The following WFDC9 variants were observed in gnomAD, a reference collection of about 807,000 sequenced individuals.
WFDC9 encodes protein WFDC9.
A neutral mutation model predicts 9.5 loss-of-function variants in WFDC9; 9 were observed. The ratio of observed to expected loss-of-function variants is 0.95; its 90% CI spans 0.57 to 1.65. WFDC9 has a LOEUF of 1.65. Ranked by LOEUF, WFDC9 falls within the 40% of genes most tolerant of loss-of-function variation. The pLI is 0.00. For missense variants in WFDC9, 87 were observed against 106.7 expected, an observed-to-expected ratio of 0.82 and a Z score of 0.81; for synonymous variants, 33 against 32.3, an observed-to-expected ratio of 1.02 and a Z score of -0.07.
intron 1 of WFDC9, among the ~76,000 whole-genome samples, chr20:45,620,158 G>A (rs971902382): frequency 1.3e-5 from 2 of 152,088 alleles, no homozygotes; most frequent in African/African-American, 2.4e-5. Flanking sequence ...ATTAAGTAGC[G>A]TTATTTGTTT....
chr20:45,625,221 A>G (rs1052376000), intron 1 of WFDC9, among the ~76,000 whole-genome samples: 2 of 152,118 alleles, frequency 1.3e-5, no homozygotes, highest in Non-Finnish European at 2.9e-5. Flanking sequence ...TTAAACAATC[A>G]TATCTCATGA....
At chr20:45,614,526 T>C (rs1238241420) in intron 2 of WFDC9, 102 bp downstream of exon 2, 1 of 152,116 alleles carries the variant, frequency 6.6e-6, no homozygotes, top group Non-Finnish European at 1.5e-5. Flanking sequence ...AAAGAAACAA[T>C]AATCCCTACC....
At chr20:45,625,538 T>C (rs559607351) in intron 1 of WFDC9, among the ~76,000 whole-genome samples, 79 of 152,308 alleles carry the variant, frequency 5.2e-4, no homozygotes, top group Non-Finnish European at 9.1e-4. Context: ...TTTTGTAAGA[T>C]CATGAAAATG....
intron 1 of WFDC9, among the ~76,000 whole-genome samples, chr20:45,615,647 A>G (rs1981956580): frequency 6.6e-6 from 1 of 152,182 alleles, no homozygotes; most frequent in African/African-American, 2.4e-5. Flanking sequence ...AAAATGAAAT[A>G]TTTAATAGTT....
chr20:45,609,358 C>G (rs1307426247), intron 3 of WFDC9, among the ~76,000 whole-genome samples: 4 of 152,090 alleles, frequency 2.6e-5, no homozygotes, highest in Admixed American at 6.5e-5. Context: ...AGCACACCAC[C>G]ATGCCTGGCT....
chr20:45,622,125 C>A (rs554722822), intron 1 of WFDC9, among the ~76,000 whole-genome samples: 2,085 of 152,166 alleles, frequency 0.014, 87 homozygotes, highest in Admixed American at 0.096. Flanking sequence ...TTATTGTGCC[C>A]TCATAGTTCA....
In WFDC9 at chr20:45,608,783, T is replaced by C; in HGVS notation, c.119A>G (p.Gln40Arg). 1.9e-6 allele frequency: 3 copies of C among 1,613,118 alleles called. No homozygotes were observed. Among genetic ancestry groups the C allele is most frequent in the Non-Finnish European group, 2.5e-6 (3 of 1,179,516 alleles). Reference protein sequence around the residue: ...PFLDMIRETEQCWVQPPYKYC... With the variant: ...PFLDMIRETERCWVQPPYKYC... ...CTTATATGGAGGCTGTACCCAGCAC[T>C]GCTCAGTTTCTCTTATCATATCTAG... The change falls in exon 4 of 5, where the codon CAG becomes CGG. Residue 40 changes from glutamine (Q) to arginine (R), a missense_variant. Transcript: ENST00000326000.
Position 45,631,004 on chromosome 20 carries a change from A to G in WFDC9, c.-153+199T>C, listed in dbSNP as rs765516070. ...TTCTACCTACTGTGGGAATGTTTGC[A>G]TGAGCATCCTGTGAGTGGGAGAGTG... On this transcript the variant is annotated intron_variant, in intron 1 of 4. Coordinates refer to ENST00000326000, the MANE Select transcript of WFDC9 (RefSeq NM_147198.4). 7.5e-6 allele frequency: 12 copies of G among 1,601,550 alleles called. No individual in the cohort carries two copies. The highest frequency in any genetic ancestry group is 1.3e-5 in the African/African-American group (1 of 74,208).
At chr20:45,616,600 A>G (rs1981979849) in intron 1 of WFDC9, among the ~76,000 whole-genome samples, 1 of 152,206 alleles carries the variant, frequency 6.6e-6, no homozygotes, top group African/African-American at 2.4e-5. Context: ...GGAAATTACT[A>G]TCTATGGTAG....
chr20:45,627,543 G>GT (rs3092052), intron 1 of WFDC9, among the ~76,000 whole-genome samples: 88,778 of 151,868 alleles, frequency 0.58, 26,961 homozygotes, highest in East Asian at 0.98. Context: ...TTGGTTCAGT[G>GT]TGGTAGGTTG....
chr20:45,629,939 T>C (rs1331554212), intron 1 of WFDC9: 3 of 1,604,834 alleles, frequency 1.9e-6, no homozygotes, highest in Admixed American at 3.4e-5. Context: ...TGAGGGGGAA[T>C]TGGGTAGGGG....
chr20:45,629,103 TTA>T (rs370015710), intron 1 of WFDC9, among the ~76,000 whole-genome samples: 32 of 152,316 alleles, frequency 2.1e-4, no homozygotes, highest in African/African-American at 7.5e-4. Flanking sequence ...TTCTGTGTGT[TTA>T]TGTGTGTTTA....
intron 1 of WFDC9, among the ~76,000 whole-genome samples, chr20:45,624,793 T>C (rs1982180410): frequency 6.6e-6 from 1 of 152,248 alleles, no homozygotes; most frequent in Non-Finnish European, 1.5e-5. Flanking sequence ...TACCTCATTA[T>C]AGTTCTCACT....
At chr20:45,616,528 G>A (rs999415601) in intron 1 of WFDC9, among the ~76,000 whole-genome samples, 4 of 152,076 alleles carry the variant, frequency 2.6e-5, no homozygotes, top group Non-Finnish European at 5.9e-5. Flanking sequence ...CATGAATCAT[G>A]GTATGTAGAA....
chr20:45,630,447 G>A (rs1300287996), intron 1 of WFDC9, among the ~76,000 whole-genome samples: 6 of 152,116 alleles, frequency 3.9e-5, no homozygotes, highest in African/African-American at 1.4e-4. Flanking sequence ...GCAGAAGAGA[G>A]GGAGAGACAA....
intron 1 of WFDC9, among the ~76,000 whole-genome samples, chr20:45,617,152 G>A (rs1981989442): frequency 6.6e-6 from 1 of 152,156 alleles, no homozygotes; most frequent in Non-Finnish European, 1.5e-5. Flanking sequence ...CTGAACTCCT[G>A]CACAGTTAAA....
chr20:45,611,976 C>T (rs924687865), intron 2 of WFDC9, among the ~76,000 whole-genome samples: 1 of 152,166 alleles, frequency 6.6e-6, no homozygotes, highest in African/African-American at 2.4e-5. Flanking sequence ...CCCACCAACT[C>T]CTAGCCGTGG....
At chr20:45,627,986 C>T (rs1982259444) in intron 1 of WFDC9, among the ~76,000 whole-genome samples, 1 of 152,062 alleles carries the variant, frequency 6.6e-6, no homozygotes, top group Non-Finnish European at 1.5e-5. Flanking sequence ...TTAAGTCAAG[C>T]TTATTAATCA....
At chr20:45,616,224 C>G (rs1434421453) in intron 1 of WFDC9, among the ~76,000 whole-genome samples, 1 of 152,154 alleles carries the variant, frequency 6.6e-6, no homozygotes, top group Non-Finnish European at 1.5e-5. Flanking sequence ...ATTCTGAATC[C>G]TTTGTCATCA....
Sources: allele counts gnomAD v4.1 joint callset (sites outside exome capture counted in the v4.1 genomes callset), GRCh38; gene constraint gnomAD v4.1.1; transcripts MANE v1.5; gene names NCBI Gene and HGNC (gene_info 2026-07-23, HGNC 2026-07-21).